TRIM2: variants seen among roughly 807,000 people sequenced by gnomAD.
The protein encoded by TRIM2 is tripartite motif-containing protein 2.
TRIM2 carries 20 observed loss-of-function variants against 75.2 expected under a neutral mutation model. The ratio of observed to expected loss-of-function variants is 0.27; its 90% confidence interval spans 0.19 to 0.39. The LOEUF (loss-of-function observed/expected upper bound fraction) is 0.39. Among genes scored for constraint, TRIM2 ranks in the 10% least tolerant of loss-of-function variants. The pLI is 1.00. For synonymous variants in TRIM2, 373 were observed against 388.3 expected (o/e 0.96, Z 0.46); for missense variants, 660 against 990.8 (o/e 0.67, Z 4.48).
At chr4:153,320,740 C>A (rs934158460) in intron 8 of TRIM2, among the ~76,000 whole-genome samples, 5 of 152,180 alleles carry the variant, frequency 3.3e-5, no homozygotes, top group African/African-American at 1.2e-4. Context: ...TCAAGTGATT[C>A]TCCTGCCTCA....
At chr4:153,256,784 T>C (rs984153229) in intron 1 of TRIM2, among the ~76,000 whole-genome samples, 1 of 152,204 alleles carries the variant, frequency 6.6e-6, no homozygotes, top group Non-Finnish European at 1.5e-5. Context: ...CTCTGAATCA[T>C]TAGAACCACA....
At chr4:153,266,557 G>T (rs1205967901) in intron 1 of TRIM2, among the ~76,000 whole-genome samples, 1 of 151,770 alleles carries the variant, frequency 6.6e-6, no homozygotes, top group Non-Finnish European at 1.5e-5. Flanking sequence ...CGGCCAGGAT[G>T]GTCTGGATCT....
intron 3 of TRIM2, among the ~76,000 whole-genome samples, chr4:153,279,948 A>G (rs1181852228): frequency 6.6e-6 from 1 of 151,550 alleles, no homozygotes; most frequent in Admixed American, 6.6e-5. Context: ...GTCTCAAAAA[A>G]AAAAAAAAAA....
intron 1 of TRIM2, among the ~76,000 whole-genome samples, chr4:153,262,784 A>C (rs952590888): frequency 1.3e-5 from 2 of 152,218 alleles, no homozygotes; most frequent in African/African-American, 4.8e-5. Context: ...AATTGCTCCC[A>C]AAGTTAGTTC....
upstream of TRIM2, among the ~76,000 whole-genome samples, chr4:153,200,824 T>C (rs1384896880): frequency 6.6e-6 from 1 of 150,434 alleles, no homozygotes; most frequent in Non-Finnish European, 1.5e-5. Context: ...TTATTGTTAT[T>C]ATTTTTTAAT....
At chr4:153,256,763 A>G (rs1752160660) in intron 1 of TRIM2, among the ~76,000 whole-genome samples, 1 of 152,370 alleles carries the variant, frequency 6.6e-6, no homozygotes, top group Middle Eastern at 3.4e-3. Context: ...AATATGTACC[A>G]TATGATTTTT....
intron 1 of TRIM2, among the ~76,000 whole-genome samples, chr4:153,183,732 C>A (rs1000557730): frequency 6.6e-6 from 1 of 152,066 alleles, no homozygotes; most frequent in Non-Finnish European, 1.5e-5. Context: ...AAGGAGGAGG[C>A]CTGGAGTGCA....
At chr4:153,287,389 G>A (rs1760886805) in intron 3 of TRIM2, among the ~76,000 whole-genome samples, 1 of 152,190 alleles carries the variant, frequency 6.6e-6, no homozygotes, top group Non-Finnish European at 1.5e-5. Flanking sequence ...TCAGCCCTTT[G>A]ATTGGAGAGT....
intron 1 of TRIM2, among the ~76,000 whole-genome samples, chr4:153,208,203 C>T (rs115711191): frequency 0.048 from 7,303 of 152,112 alleles, 562 homozygotes; most frequent in African/African-American, 0.17. Context: ...GAGGCTGAGG[C>T]GGTAGGATCA....
At chr4:153,188,554 G>T (rs1254050325) in intron 1 of TRIM2, among the ~76,000 whole-genome samples, 3 of 152,160 alleles carry the variant, frequency 2.0e-5, no homozygotes, top group African/African-American at 7.2e-5. Flanking sequence ...TTCCCTGAGG[G>T]ATATAAACCC....
intron 1 of TRIM2, chr4:153,223,039 A>G (rs939625720): frequency 6.6e-6 from 1 of 152,280 alleles, no homozygotes; most frequent in Non-Finnish European, 1.5e-5. Context: ...GCCGTCTCGT[A>G]GTAAGTCGTG....
intron 1 of TRIM2, among the ~76,000 whole-genome samples, chr4:153,174,820 T>C (rs1041089428): frequency 7.2e-5 from 11 of 152,238 alleles, no homozygotes; most frequent in Middle Eastern, 3.4e-3. Context: ...GAAAATAAAC[T>C]CTCAAGGATG....
rs113627839 is a variant in TRIM2, at chr4:153,291,067, CA to C, written c.454-1906del. On this transcript the variant is annotated intron_variant, in intron 3 of 11. Transcript: ENST00000338700. ...CAAAAAAAAAAGTGTCTTTATATGA[CA>C]AAAAAAAAGTGTCTTTCTAAACCTC... Among the ~76,000 whole-genome samples, 15 of 150,300 alleles carry C rather than the reference CA, an allele frequency of 1.0e-4. No homozygotes were observed. The East Asian group carries it at 1.4e-3, about 14-fold the overall frequency.
chr4:153,175,423 TCA>T (rs1201359443), intron 1 of TRIM2, among the ~76,000 whole-genome samples: 1 of 151,994 alleles, frequency 6.6e-6, no homozygotes, highest in East Asian at 1.9e-4. Flanking sequence ...GCAAGAACTC[TCA>T]CACTGCCGTG....
intron 1 of TRIM2, among the ~76,000 whole-genome samples, chr4:153,193,029 C>T (rs1733370462): frequency 6.6e-6 from 1 of 152,032 alleles, no homozygotes; most frequent in Non-Finnish European, 1.5e-5. Context: ...GTCTGTCTAC[C>T]CTAGTAGAAT....
intron 1 of TRIM2, among the ~76,000 whole-genome samples, chr4:153,191,182 G>A (rs1467970617): frequency 1.3e-5 from 2 of 152,256 alleles, no homozygotes; most frequent in African/African-American, 4.8e-5. Flanking sequence ...GAGTCAAGCA[G>A]CAGGAAGGAT....
chr4:153,168,312 T>C (rs1026792055), intron 1 of TRIM2, among the ~76,000 whole-genome samples: 4 of 152,206 alleles, frequency 2.6e-5, no homozygotes, highest in Admixed American at 2.0e-4. Flanking sequence ...AAATAATAAA[T>C]TACATAAATT....
chr4:153,201,253 C>T (rs1000702924), upstream of TRIM2, among the ~76,000 whole-genome samples: 3 of 152,128 alleles, frequency 2.0e-5, no homozygotes, highest in Admixed American at 6.6e-5. Flanking sequence ...CGTGAGCCAC[C>T]GTGCCCAGCC....
chr4:153,216,206 C>T (rs961369861), intron 1 of TRIM2, among the ~76,000 whole-genome samples: 8 of 152,154 alleles, frequency 5.3e-5, no homozygotes, highest in Admixed American at 5.2e-4. Flanking sequence ...GTAAGCATCC[C>T]TGGAGACTAA....
Sources: allele counts gnomAD v4.1 joint callset (sites outside exome capture counted in the v4.1 genomes callset), GRCh38; gene constraint gnomAD v4.1.1; transcripts MANE v1.5; gene names NCBI Gene and HGNC (gene_info 2026-07-23, HGNC 2026-07-21).